The following SEMA3C variants were observed in gnomAD, a reference collection of about 807,000 sequenced individuals.
SEMA3C encodes semaphorin-3C.
SEMA3C carries 47 observed loss-of-function variants against 89.4 expected under a neutral mutation model. The ratio of observed to expected loss-of-function variants is 0.53; its 90% CI spans 0.42 to 0.67. The LOEUF is 0.67. SEMA3C is among the 30% of genes least tolerant of loss of function. The pLI is 0.00. For missense variants in SEMA3C, 839 were observed against 929.1 expected (o/e 0.90, Z 1.26); for synonymous variants, 310 against 320.2 (o/e 0.97, Z 0.34).
chr7:80,767,769 A>G (rs932613271), intron 12 of SEMA3C, among the ~76,000 whole-genome samples: 5 of 151,508 alleles, frequency 3.3e-5, no homozygotes, highest in African/African-American at 1.2e-4. Flanking sequence ...TTACAACCAG[A>G]AATCATTTAG....
At chr7:80,888,637 A>C (rs1791539368) in intron 2 of SEMA3C, among the ~76,000 whole-genome samples, 2 of 152,154 alleles carry the variant, frequency 1.3e-5, no homozygotes, top group African/African-American at 4.8e-5. Flanking sequence ...TATCGTTCTC[A>C]AGTGTCTGAA....
chr7:80,862,277 G>A (rs746152574), intron 2 of SEMA3C, among the ~76,000 whole-genome samples: 5 of 152,072 alleles, frequency 3.3e-5, no homozygotes, highest in Non-Finnish European at 7.4e-5. Context: ...CAAGTCAGTA[G>A]TAGCTTGTGT....
rs74933351 is a variant in SEMA3C at position 80,862,357 on chromosome 7, T to C, written c.104-33612A>G. Among the ~76,000 whole-genome samples, 538 of 151,640 alleles carry C rather than the reference T, an allele frequency of 3.5e-3. 11 individuals are homozygous for C. The highest frequency in any genetic ancestry group is 0.035 in the East Asian group (181 of 5,134). On this transcript the variant is annotated intron_variant, in intron 2 of 17. Coordinates refer to ENST00000265361, the MANE Select transcript of SEMA3C (RefSeq NM_006379.5). ...TTTTTCAATAGCTGCAAAAAAACAA[T>C]AAAATACTTAGGAATATACCTAACC...
intron 15 of SEMA3C, among the ~76,000 whole-genome samples, chr7:80,752,795 T>C (rs1787967290): frequency 6.6e-6 from 1 of 152,078 alleles, no homozygotes. Context: ...CATCACACAT[T>C]GTTAAAAGTC....
chr7:80,863,567 T>C lies in SEMA3C; in HGVS notation c.104-34822A>G, dbSNP rs186290437. Among the ~76,000 whole-genome samples, 52 of 151,774 alleles carry C rather than the reference T, an allele frequency of 3.4e-4. No homozygotes were observed. The East Asian group carries it at 9.7e-3, about 28-fold the overall frequency. ...AAAGGTACTTGCACAGGCATGCTTA[T>C]AGCAGCACAATTCGCAATTGCAAAA... On this transcript the variant is annotated intron_variant, in intron 2 of 17. Coordinates refer to ENST00000265361, the MANE Select transcript of SEMA3C (RefSeq NM_006379.5).
At chr7:80,868,553 G>C (rs955291464) in intron 2 of SEMA3C, among the ~76,000 whole-genome samples, 1 of 152,176 alleles carries the variant, frequency 6.6e-6, no homozygotes, top group Admixed American at 6.5e-5. Context: ...ACAGGTGTGA[G>C]CCACTGCACC....
At chr7:80,861,657 C>T (rs1790774214) in intron 2 of SEMA3C, among the ~76,000 whole-genome samples, 1 of 152,092 alleles carries the variant, frequency 6.6e-6, no homozygotes, top group Non-Finnish European at 1.5e-5. Flanking sequence ...ATTTAAATTG[C>T]AACATTTGTT....
intron 4 of SEMA3C, 21 bp downstream of exon 4, chr7:80,827,404 T>C (rs778426297): frequency 6.7e-7 from 1 of 1,494,218 alleles, no homozygotes; most frequent in African/African-American, 1.4e-5. Context: ...TTTTTTTTTT[T>C]TTTTTTTTTT....
chr7:80,844,123 A>C (rs150633253), intron 2 of SEMA3C, among the ~76,000 whole-genome samples: 8 of 152,290 alleles, frequency 5.3e-5, no homozygotes, highest in African/African-American at 1.9e-4. Flanking sequence ...GGAGGATGAG[A>C]ATATGCTCAG....
intron 17 of SEMA3C, among the ~76,000 whole-genome samples, chr7:80,746,718 G>GGTGTGTGTGTGTGTGTGTGTGT (rs5885196): frequency 0.027 from 3,864 of 142,944 alleles, 76 homozygotes; most frequent in Non-Finnish European, 0.037. Context: ...ATTGAAGTGG[G>GGTGTGTGTGTGTGTGTGTGTGT]GTGTGTGTGT....
chr7:80,762,092 TA>T (rs547180420), intron 13 of SEMA3C, among the ~76,000 whole-genome samples: 842 of 75,924 alleles, frequency 0.011, 3 homozygotes, highest in East Asian at 0.045. Flanking sequence ...TCCGTCTCAA[TA>T]AAAAAAAAAA....
chr7:80,920,811 G>A (rs769761599), upstream of SEMA3C, among the ~76,000 whole-genome samples: 1 of 152,140 alleles, frequency 6.6e-6, no homozygotes, highest in South Asian at 2.1e-4. Flanking sequence ...AGCACTGTGC[G>A]TGCTTCTCTG....
chr7:80,821,461 C>T (rs925259192), intron 4 of SEMA3C, among the ~76,000 whole-genome samples: 2 of 152,058 alleles, frequency 1.3e-5, no homozygotes, highest in African/African-American at 4.8e-5. Flanking sequence ...GCTCTGCTAC[C>T]CAGGCTGGAG....
intron 12 of SEMA3C, among the ~76,000 whole-genome samples, chr7:80,771,920 G>A (rs965746633): frequency 6.6e-6 from 1 of 152,026 alleles, no homozygotes. Flanking sequence ...CCCCGTACAC[G>A]ATATTAGGGG....
In SEMA3C at chr7:80,890,946, A is replaced by G. The variant is rs78153776; in HGVS notation, c.103+25733T>C. ...TCTGCATGTCCTCTGACCTCCCTGT[A>G]CTAATAAGATTTAATGAATATTGGT... On this transcript the variant is annotated intron_variant, in intron 2 of 17. Transcript: ENST00000265361. Among the ~76,000 whole-genome samples, 874 of 152,216 alleles carry G rather than the reference A, an allele frequency of 5.7e-3. 3 individuals are homozygous for G. Among genetic ancestry groups the G allele is most frequent in the Non-Finnish European group, 8.0e-3 (542 of 68,014 alleles).
chr7:80,792,049 A>T (rs1309476958), intron 11 of SEMA3C, among the ~76,000 whole-genome samples: 1 of 152,232 alleles, frequency 6.6e-6, no homozygotes, highest in Non-Finnish European at 1.5e-5. Context: ...AGCAGTAATG[A>T]GACAAGTAAT....
At chr7:80,777,664 CTT>C (rs1788582190) in intron 12 of SEMA3C, among the ~76,000 whole-genome samples, 1 of 152,168 alleles carries the variant, frequency 6.6e-6, no homozygotes, top group African/African-American at 2.4e-5. Flanking sequence ...GGGAATATCT[CTT>C]GATCTACATA....
chr7:80,778,959 C>A (rs376512413), intron 12 of SEMA3C, among the ~76,000 whole-genome samples: 251 of 152,212 alleles, frequency 1.6e-3, no homozygotes, highest in Non-Finnish European at 3.0e-3. Flanking sequence ...AGTTAAATTC[C>A]TTATCTGCAT....
chr7:80,838,854 A>C (rs1790198581), intron 2 of SEMA3C, among the ~76,000 whole-genome samples: 2 of 152,282 alleles, frequency 1.3e-5, no homozygotes, highest in Non-Finnish European at 1.5e-5. Context: ...ACCTCCCACC[A>C]GTTCTCTCCC....
Sources: allele counts gnomAD v4.1 joint callset (sites outside exome capture counted in the v4.1 genomes callset), GRCh38; gene constraint gnomAD v4.1.1; transcripts MANE v1.5; gene names NCBI Gene and HGNC (gene_info 2026-07-23, HGNC 2026-07-21).